The following AGBL1 variants were observed in gnomAD, a reference collection of about 807,000 sequenced individuals.
The protein encoded by AGBL1 is cytosolic carboxypeptidase 4.
In AGBL1, 130 loss-of-function variants were observed where a neutral mutation model predicts 118.9. The observed-to-expected ratio is 1.09, with a 90% confidence interval of 0.95 to 1.26. The LOEUF (loss-of-function observed/expected upper bound fraction) is 1.26. AGBL1 is among the 50% of genes most tolerant of loss of function. The pLI is 0.00. For missense variants in AGBL1, 1,584 were observed against 1,298.1 expected, an observed-to-expected ratio of 1.22 and a Z score of -3.38; for synonymous variants, 555 against 478.9, an observed-to-expected ratio of 1.16 and a Z score of -2.08.
chr15:86,316,235 T>G (rs2080006673), intron 17 of AGBL1, among the ~76,000 whole-genome samples: 1 of 152,158 alleles, frequency 6.6e-6, no homozygotes, highest in Non-Finnish European at 1.5e-5. Context: ...TGACTGAAAC[T>G]CTGTTTCCGA....
At chr15:86,666,771 A>T (rs1048538398) in intron 21 of AGBL1, among the ~76,000 whole-genome samples, 2 of 152,216 alleles carry the variant, frequency 1.3e-5, no homozygotes, top group East Asian at 1.9e-4. Flanking sequence ...CATGAATTAG[A>T]TATTATTATG....
intron 1 of AGBL1, among the ~76,000 whole-genome samples, chr15:86,090,840 T>G (rs1365434250): frequency 6.6e-6 from 1 of 152,194 alleles, no homozygotes; most frequent in Non-Finnish European, 1.5e-5. Context: ...TATATCTTGT[T>G]GCTTTCATAG....
intron 22 of AGBL1, among the ~76,000 whole-genome samples, chr15:86,765,992 C>T (rs971683450): frequency 1.3e-5 from 2 of 151,924 alleles, no homozygotes; most frequent in African/African-American, 4.8e-5. Context: ...GTTGTAATTT[C>T]TAATAGTTAA....
intron 23 of AGBL1, among the ~76,000 whole-genome samples, chr15:86,968,551 G>T (rs2081076663): frequency 6.6e-6 from 1 of 151,208 alleles, no homozygotes; most frequent in African/African-American, 2.4e-5. Context: ...GAAGCAAAAT[G>T]ATCTTAGGCC....
At chr15:86,617,760 GCACACACACACA>G (rs5814253) in intron 21 of AGBL1, among the ~76,000 whole-genome samples, 2 of 146,830 alleles carry the variant, frequency 1.4e-5, no homozygotes, top group Non-Finnish European at 3.0e-5. Context: ...AACTTTATGC[GCACACACACACA>G]CACACACACA....
intron 18 of AGBL1, among the ~76,000 whole-genome samples, chr15:86,491,341 G>C (rs967808924): frequency 6.6e-6 from 1 of 152,068 alleles, no homozygotes; most frequent in Non-Finnish European, 1.5e-5. Context: ...AAAAGCATAC[G>C]GTGGCAGCCT....
chr15:86,211,450 G>A (rs2078096543), intron 5 of AGBL1, among the ~76,000 whole-genome samples: 1 of 152,218 alleles, frequency 6.6e-6, no homozygotes, highest in African/African-American at 2.4e-5. Flanking sequence ...CAGAGCTGGG[G>A]TCTACAGAGG....
rs765064622 is a variant in AGBL1, at chr15:86,313,409, A to C, written c.2374+18001A>C. On this transcript the variant is annotated intron_variant, in intron 17 of 22. Transcript: ENST00000614907. ...TATGATTAAAAAGAAATGTAGCCAG[A>C]GGGTATGGCAGTTTCTTAAGTTGTT... 2.0e-3 allele frequency among the ~76,000 whole-genome samples: 312 copies of C among 152,354 alleles called. 1 individual carries two copies. The highest frequency in any genetic ancestry group is 4.0e-3 in the Non-Finnish European group (269 of 68,026).
chr15:86,644,905 C>T (rs1243965832), intron 21 of AGBL1, among the ~76,000 whole-genome samples: 2 of 150,726 alleles, frequency 1.3e-5, no homozygotes, highest in Non-Finnish European at 3.0e-5. Flanking sequence ...CCTGTAGTCC[C>T]AGGTACTCGG....
chr15:86,721,949 G>A (rs998148531), intron 22 of AGBL1, among the ~76,000 whole-genome samples: 2 of 152,084 alleles, frequency 1.3e-5, no homozygotes, highest in Non-Finnish European at 2.9e-5. Flanking sequence ...CAACTTACAA[G>A]GGATGTGAAG....
intron 23 of AGBL1, among the ~76,000 whole-genome samples, chr15:86,958,501 T>C (rs1406827578): frequency 2.0e-5 from 3 of 152,246 alleles, no homozygotes; most frequent in South Asian, 4.1e-4. Flanking sequence ...TTGGTGTATA[T>C]GCAATGGTAG....
chr15:86,871,702 C>A (rs780106251), intron 22 of AGBL1, among the ~76,000 whole-genome samples: 1 of 152,130 alleles, frequency 6.6e-6, no homozygotes. Context: ...TACACCGGGA[C>A]TGTTGGGTCA....
rs2079344873 is a variant in AGBL1, at chr15:86,848,129, C to A, written c.3159-58958C>A. On this transcript the variant is annotated intron_variant, in intron 22 of 22. Coordinates refer to ENST00000614907, the MANE Select transcript of AGBL1 (RefSeq NM_001386094.1). Reference sequence around the variant, plus strand: ...ACCCACTCTGTTAGAACTATTATGTCAATTGAGTGGGGGACAGGAAGTGGG... The same window carrying A: ...ACCCACTCTGTTAGAACTATTATGTAAATTGAGTGGGGGACAGGAAGTGGG... Among the ~76,000 whole-genome samples, 4 of 152,026 alleles carry A rather than the reference C, an allele frequency of 2.6e-5. No homozygotes were observed. In the South Asian group the frequency reaches 8.3e-4, roughly 31 times the overall value.
intron 3 of AGBL1, among the ~76,000 whole-genome samples, chr15:86,150,314 C>G (rs960818190): frequency 3.3e-5 from 5 of 152,118 alleles, no homozygotes; most frequent in African/African-American, 1.2e-4. Context: ...ACAAAAAACC[C>G]TTCAAAAAAT....
chr15:86,585,271 G>A (rs1305363080), intron 21 of AGBL1, among the ~76,000 whole-genome samples: 1 of 152,124 alleles, frequency 6.6e-6, no homozygotes, highest in Non-Finnish European at 1.5e-5. Context: ...AAGCAGGCTG[G>A]AGTGTGATGG....
chr15:86,129,783 C>T (rs1376477507), intron 1 of AGBL1, among the ~76,000 whole-genome samples: 4 of 152,006 alleles, frequency 2.6e-5, no homozygotes, highest in African/African-American at 9.7e-5. Flanking sequence ...CTTGAGAAAG[C>T]CTGCATTAGG....
At chr15:87,004,841 T>C (rs1241640952) in intron 24 of AGBL1, among the ~76,000 whole-genome samples, 1 of 152,208 alleles carries the variant, frequency 6.6e-6, no homozygotes, top group Non-Finnish European at 1.5e-5. Context: ...CGGTTGTTCC[T>C]TTCCACATTT....
intron 18 of AGBL1, among the ~76,000 whole-genome samples, chr15:86,516,416 A>G (rs1003238265): frequency 1.3e-5 from 2 of 152,218 alleles, no homozygotes; most frequent in African/African-American, 4.8e-5. Context: ...TAACTTTAGA[A>G]ACTTCCAACG....
At chr15:86,229,768 G>A (rs892228582) in intron 6 of AGBL1, among the ~76,000 whole-genome samples, 1 of 152,186 alleles carries the variant, frequency 6.6e-6, no homozygotes, top group African/African-American at 2.4e-5. Context: ...GTGCGGCAAT[G>A]GGATTATGCC....
Sources: allele counts gnomAD v4.1 joint callset (sites outside exome capture counted in the v4.1 genomes callset), GRCh38; gene constraint gnomAD v4.1.1; transcripts MANE v1.5; gene names NCBI Gene and HGNC (gene_info 2026-07-23, HGNC 2026-07-21).